CLNK: variants seen among roughly 807,000 people sequenced by gnomAD.
The protein encoded by CLNK is cytokine-dependent hematopoietic cell linker.
CLNK carries 74 observed loss-of-function variants against 68.6 expected under a neutral mutation model. The observed-to-expected ratio is 1.08, with a 90% CI of 0.89 to 1.31. The LOEUF is 1.31. Among genes scored for constraint, CLNK ranks in the 50% most tolerant of loss-of-function variants. CLNK has a pLI of 0.00. For missense variants in CLNK, 553 were observed against 515.3 expected (o/e 1.07, Z -0.71); for synonymous variants, 198 against 172.2 (o/e 1.15, Z -1.17).
At chr4:10,645,671 C>T (rs1376185031) in intron 2 of CLNK, among the ~76,000 whole-genome samples, 2 of 152,072 alleles carry the variant, frequency 1.3e-5, no homozygotes, top group Non-Finnish European at 2.9e-5. Context: ...GATAAACATT[C>T]ATTAAAACTG....
intron 2 of CLNK, among the ~76,000 whole-genome samples, chr4:10,621,166 G>T (rs928412153): frequency 6.6e-6 from 1 of 152,138 alleles, no homozygotes; most frequent in Non-Finnish European, 1.5e-5. Flanking sequence ...AGTGGCCGCT[G>T]CAGGCCAGAC....
intron 2 of CLNK, among the ~76,000 whole-genome samples, chr4:10,651,980 C>CA (rs35087866): frequency 0.42 from 62,185 of 147,260 alleles, 13,733 homozygotes; most frequent in Non-Finnish European, 0.51. Flanking sequence ...AACAGGAGAT[C>CA]AAAAAAAAAG....
intron 5 of CLNK, among the ~76,000 whole-genome samples, chr4:10,571,389 C>A: frequency 8.1e-6 from 1 of 123,240 alleles, no homozygotes; most frequent in African/African-American, 3.1e-5. Context: ...GGCTGAAGTG[C>A]AAGGGTGCTA....
intron 8 of CLNK, among the ~76,000 whole-genome samples, chr4:10,550,410 G>C (rs1375634659): frequency 6.6e-6 from 1 of 152,126 alleles, no homozygotes; most frequent in African/African-American, 2.4e-5. Flanking sequence ...CAGGAGAATG[G>C]TGTGAACCCG....
chr4:10,608,224 C>T (rs1721861151), intron 2 of CLNK, among the ~76,000 whole-genome samples: 1 of 152,226 alleles, frequency 6.6e-6, no homozygotes, highest in South Asian at 2.1e-4. Context: ...ATCATTTCAA[C>T]TCTTCAATTT....
intron 2 of CLNK, among the ~76,000 whole-genome samples, chr4:10,657,250 A>C (rs1471744352): frequency 1.3e-5 from 2 of 152,200 alleles, no homozygotes; most frequent in African/African-American, 2.4e-5. Flanking sequence ...AAGTATTTAT[A>C]ATGATATAAA....
intron 2 of CLNK, among the ~76,000 whole-genome samples, chr4:10,645,257 G>T (rs1723462632): frequency 6.6e-6 from 1 of 152,288 alleles, no homozygotes; most frequent in South Asian, 2.1e-4. Flanking sequence ...ATGATGTGAA[G>T]ACATAAATGA....
chr4:10,649,613 A>G (rs1196995239), intron 2 of CLNK, among the ~76,000 whole-genome samples: 2 of 152,178 alleles, frequency 1.3e-5, no homozygotes, highest in African/African-American at 4.8e-5. Context: ...GTAAGGGTGA[A>G]CTAGAAATAA....
the CLNK span, among the ~76,000 whole-genome samples, chr4:10,717,618 G>A: frequency 2.0e-5 from 3 of 152,134 alleles, no homozygotes; most frequent in Non-Finnish European, 2.9e-5. Flanking sequence ...AGCTGTATGA[G>A]GCACTCCCAC....
chr4:10,556,151 A>G lies in CLNK; in HGVS notation c.445+2256T>C, dbSNP rs572241051. 2.0e-5 allele frequency among the ~76,000 whole-genome samples: 3 copies of G among 152,344 alleles called. No homozygotes were observed. The East Asian group carries it at 5.8e-4, about 29-fold the overall frequency. On this transcript the variant is annotated intron_variant, in intron 8 of 18. Transcript: ENST00000226951. ...ACCCATATATCAGCCAACATTCGCT[A>G]CAAAACAGAGCACTAACTTAATCCT...
At chr4:10,721,849 G>A in the CLNK span, among the ~76,000 whole-genome samples, 243 of 152,284 alleles carry the variant, frequency 1.6e-3, no homozygotes, top group African/African-American at 5.7e-3. Flanking sequence ...GGTGCATATT[G>A]TATTGCCAAA....
chr4:10,572,806 C>T (rs981939996), intron 4 of CLNK, among the ~76,000 whole-genome samples: 3 of 152,078 alleles, frequency 2.0e-5, no homozygotes, highest in Admixed American at 2.0e-4. Flanking sequence ...TTATCATTTT[C>T]CCATTTTGTT....
chr4:10,574,123 G>A (rs1720459223), intron 4 of CLNK, among the ~76,000 whole-genome samples: 1 of 152,096 alleles, frequency 6.6e-6, no homozygotes, highest in African/African-American at 2.4e-5. Context: ...GCAGAGTTTT[G>A]GAAAATGCAA....
intron 1 of CLNK, among the ~76,000 whole-genome samples, chr4:10,679,959 T>G (rs914306375): frequency 1.3e-5 from 2 of 152,124 alleles, no homozygotes; most frequent in African/African-American, 4.8e-5. Flanking sequence ...GTCAGTGTGG[T>G]GATTCCTCAG....
At chr4:10,731,123 A>G in the CLNK span, among the ~76,000 whole-genome samples, 1 of 152,234 alleles carries the variant, frequency 6.6e-6, no homozygotes, top group Non-Finnish European at 1.5e-5. Flanking sequence ...ACCATAAATT[A>G]TTGTGAACTA....
upstream of CLNK, among the ~76,000 whole-genome samples, chr4:10,686,054 T>G (rs1318294653): frequency 6.6e-6 from 1 of 152,158 alleles, no homozygotes; most frequent in African/African-American, 2.4e-5. Context: ...TGTCTCACAG[T>G]CTGGCCTCTG....
intron 2 of CLNK, among the ~76,000 whole-genome samples, chr4:10,655,531 G>A (rs1034890119): frequency 2.0e-5 from 3 of 151,978 alleles, no homozygotes; most frequent in Non-Finnish European, 4.4e-5. Flanking sequence ...ATTGACATGG[G>A]GCTGATAATG....
chr4:10,591,487 A>G (rs1456399115), intron 3 of CLNK, among the ~76,000 whole-genome samples: 2 of 152,220 alleles, frequency 1.3e-5, no homozygotes, highest in Non-Finnish European at 2.9e-5. Context: ...TGTGCACACC[A>G]ATGTGGTGCT....
chr4:10,575,753 C>T (rs896509431), intron 4 of CLNK, among the ~76,000 whole-genome samples: 4 of 152,226 alleles, frequency 2.6e-5, no homozygotes, highest in African/African-American at 9.6e-5. Context: ...ATGATGGAAG[C>T]TGTTGGGTAA....
Sources: gnomAD v4.1 joint callset for allele counts (sites outside exome capture counted in the v4.1 genomes callset) on GRCh38, gnomAD v4.1.1 for gene constraint, MANE v1.5 for transcripts, NCBI Gene and HGNC (gene_info 2026-07-23, HGNC 2026-07-21) for gene names.